CTNNA3: variants seen among roughly 807,000 people sequenced by gnomAD.
The protein encoded by CTNNA3 is catenin alpha-3.
A neutral mutation model predicts 95.7 loss-of-function variants in CTNNA3; 76 were observed. The ratio of observed to expected loss-of-function variants is 0.79; its 90% CI spans 0.66 to 0.96. CTNNA3 has a LOEUF of 0.96. CTNNA3 is among the 40% of genes least tolerant of loss of function. CTNNA3 has a pLI of 0.00. For missense variants in CTNNA3, 1,191 were observed against 1,089.8 expected (o/e 1.09, Z -1.31); for synonymous variants, 431 against 374.4 (o/e 1.15, Z -1.74).
intron 7 of CTNNA3, chr10:67,052,749 CA>C (rs1855188566): frequency 6.6e-6 from 1 of 151,886 alleles, no homozygotes; most frequent in Non-Finnish European, 1.5e-5. Context: ...AGTTTTACTA[CA>C]AAAACAAACA....
At chr10:67,301,560 T>G (rs948383751) in intron 5 of CTNNA3, among the ~76,000 whole-genome samples, 1 of 152,190 alleles carries the variant, frequency 6.6e-6, no homozygotes, top group Non-Finnish European at 1.5e-5. Context: ...CCCATGTTCA[T>G]AGCAGCATTA....
chr10:66,844,029 T>C (rs1363886451), intron 7 of CTNNA3, among the ~76,000 whole-genome samples: 5 of 152,244 alleles, frequency 3.3e-5, no homozygotes, highest in Admixed American at 2.0e-4. Context: ...CAGAGAGCCC[T>C]GTTTTGCCTC....
chr10:66,088,541 T>C (rs113865299), intron 14 of CTNNA3, among the ~76,000 whole-genome samples: 126 of 144,102 alleles, frequency 8.7e-4, no homozygotes, highest in Admixed American at 2.9e-3. Context: ...GTATACTGAG[T>C]GGTGAATATC....
At chr10:65,994,781 C>A (rs2078619228) in intron 15 of CTNNA3, among the ~76,000 whole-genome samples, 1 of 152,070 alleles carries the variant, frequency 6.6e-6, no homozygotes. Flanking sequence ...TCTGGACTAT[C>A]CAGAATTTGA....
At chr10:66,815,391 C>T (rs766191165) in intron 7 of CTNNA3, among the ~76,000 whole-genome samples, 19 of 152,314 alleles carry the variant, frequency 1.2e-4, no homozygotes, top group Non-Finnish European at 2.5e-4. Context: ...AATCAGTAGC[C>T]TGGCAGCCAC....
At chr10:66,973,860 G>A (rs941615168) in intron 7 of CTNNA3, among the ~76,000 whole-genome samples, 2 of 152,122 alleles carry the variant, frequency 1.3e-5, no homozygotes, top group Admixed American at 6.5e-5. Context: ...CTGACCTCAA[G>A]ATTTATCCCC....
intron 13 of CTNNA3, among the ~76,000 whole-genome samples, chr10:66,185,758 G>T (rs1217639533): frequency 6.6e-6 from 1 of 151,910 alleles, no homozygotes; most frequent in Non-Finnish European, 1.5e-5. Context: ...AAGCCAAAAA[G>T]TAAAAATTAT....
At chr10:65,958,591 T>C (rs941553270) in intron 17 of CTNNA3, among the ~76,000 whole-genome samples, 2 of 152,166 alleles carry the variant, frequency 1.3e-5, no homozygotes, top group African/African-American at 4.8e-5. Flanking sequence ...TCCTTTCTGT[T>C]TGTTAGTTTT....
At chr10:66,214,036 T>C (rs981554035) in intron 13 of CTNNA3, among the ~76,000 whole-genome samples, 5 of 152,170 alleles carry the variant, frequency 3.3e-5, no homozygotes, top group African/African-American at 9.7e-5. Flanking sequence ...TTTGAAAGGA[T>C]TGTGTTTGTA....
chr10:66,741,896 A>G (rs4417160), intron 9 of CTNNA3, among the ~76,000 whole-genome samples: 116,969 of 152,000 alleles, frequency 0.77, 45,152 homozygotes, highest in East Asian at 0.94. Flanking sequence ...CGTCATCTTC[A>G]TAAGCTGAGG....
chr10:66,209,009 A>G (rs1342943659), intron 13 of CTNNA3, among the ~76,000 whole-genome samples: 1 of 152,172 alleles, frequency 6.6e-6, no homozygotes, highest in Non-Finnish European at 1.5e-5. Context: ...AAAATATACC[A>G]TGTATAAATA....
At chr10:67,203,997 T>C (rs995496816) in intron 6 of CTNNA3, among the ~76,000 whole-genome samples, 2 of 152,122 alleles carry the variant, frequency 1.3e-5, no homozygotes, top group African/African-American at 4.8e-5. Context: ...ATATGGCTGG[T>C]AATACAGAAA....
chr10:66,536,064 T>G (rs1841641396), intron 10 of CTNNA3, among the ~76,000 whole-genome samples: 1 of 150,910 alleles, frequency 6.6e-6, no homozygotes, highest in South Asian at 2.1e-4. Context: ...ATTTTTAGAG[T>G]CATTGACATA....
chr10:66,841,810 T>G (rs1017346959), intron 7 of CTNNA3, among the ~76,000 whole-genome samples: 1 of 152,132 alleles, frequency 6.6e-6, no homozygotes, highest in African/African-American at 2.4e-5. Flanking sequence ...AAAACACAAT[T>G]AAGCACTTAC....
intron 10 of CTNNA3, among the ~76,000 whole-genome samples, chr10:66,611,559 A>G (rs1175287022): frequency 3.3e-5 from 5 of 151,592 alleles, no homozygotes; most frequent in Non-Finnish European, 7.4e-5. Context: ...TTAAGGGGGA[A>G]AAAATCTAGG....
rs36036764 is a variant in CTNNA3, at chr10:66,189,272, CAA to C, written c.1885-86025_1885-86024del. 8.2e-3 allele frequency among the ~76,000 whole-genome samples: 1,037 copies of C among 126,408 alleles called. 5 individuals are homozygous for C. The highest frequency in any genetic ancestry group is 0.023 in the African/African-American group (831 of 35,912). The allele number at this position is 126,408 out of a possible 152,430, so 82.9% of individuals were successfully genotyped here. A position where few individuals can be genotyped will look rare whatever the true frequency, so the allele number is the denominator to read the frequency against. ...CTTGCCTACACTTTTGGAGTTCTAT[CAA>C]AAAAAAAAAAAAAAACATTGTTAAG... On this transcript the variant is annotated intron_variant, in intron 13 of 17. Coordinates refer to ENST00000433211, the MANE Select transcript of CTNNA3 (RefSeq NM_013266.4).
chr10:66,305,154 T>C (rs1282660628), intron 12 of CTNNA3, among the ~76,000 whole-genome samples: 1 of 152,128 alleles, frequency 6.6e-6, no homozygotes, highest in Non-Finnish European at 1.5e-5. Context: ...AAGAATCTCT[T>C]CTGAAATGCA....
intron 10 of CTNNA3, among the ~76,000 whole-genome samples, chr10:66,580,753 C>T (rs562753203): frequency 6.6e-6 from 1 of 151,758 alleles, no homozygotes; most frequent in African/African-American, 2.4e-5. Flanking sequence ...AGGGTTGCCT[C>T]ATTACTGCCT....
Position 66,648,198 on chromosome 10 carries a change from A to T in CTNNA3, c.1282-26414T>A, listed in dbSNP as rs79121586. On this transcript the variant is annotated intron_variant, in intron 9 of 17. Transcript: ENST00000433211. ...TAGCATCACCAGAAGAACTTTTACA[A>T]AAGCCTTCCACTTGTGTCCCTTCCC... Among the ~76,000 whole-genome samples the T allele has an allele frequency of 5.5e-3, 842 of 152,190 alleles. 5 individuals are homozygous for T. The highest frequency in any genetic ancestry group is 0.019 in the African/African-American group (797 of 41,530).
Sources: allele counts gnomAD v4.1 joint callset (sites outside exome capture counted in the v4.1 genomes callset), GRCh38; gene constraint gnomAD v4.1.1; transcripts MANE v1.5; gene names NCBI Gene and HGNC (gene_info 2026-07-23, HGNC 2026-07-21).